Variants in PRKN observed in about 807,000 individuals in gnomAD.
PRKN encodes E3 ubiquitin-protein ligase parkin.
A neutral mutation model predicts 59.5 loss-of-function variants in PRKN; 56 were observed. The ratio of observed to expected loss-of-function variants is 0.94; its 90% CI spans 0.76 to 1.18. PRKN has a LOEUF of 1.18. PRKN is among the 50% of genes most tolerant of loss of function. The pLI is 0.00. For synonymous variants in PRKN, 250 were observed against 222.1 expected (o/e 1.13, Z -1.12); for missense variants, 657 against 596.4 (o/e 1.10, Z -1.06).
At chr6:162,622,374 G>C (rs149098047) in intron 1 of PRKN, among the ~76,000 whole-genome samples, 1 of 151,660 alleles carries the variant, frequency 6.6e-6, no homozygotes, top group Admixed American at 6.6e-5. Flanking sequence ...AGTAGAGACG[G>C]GGTTTTGCAA....
intron 6 of PRKN, among the ~76,000 whole-genome samples, chr6:161,956,443 G>A (rs1277053403): frequency 6.6e-6 from 1 of 152,172 alleles, no homozygotes; most frequent in Non-Finnish European, 1.5e-5. Context: ...GCCAGTCTCA[G>A]TGCAAAATCA....
intron 7 of PRKN, among the ~76,000 whole-genome samples, chr6:161,703,983 G>A (rs747432789): frequency 1.3e-5 from 2 of 149,764 alleles, no homozygotes; most frequent in African/African-American, 2.5e-5. Flanking sequence ...AGCCTCCCAC[G>A]AATCTAGGAT....
intron 1 of PRKN, among the ~76,000 whole-genome samples, chr6:162,508,956 C>T (rs887963350): frequency 6.6e-6 from 1 of 152,134 alleles, no homozygotes; most frequent in Admixed American, 6.6e-5. Flanking sequence ...ATTTGCTATT[C>T]AAGTGAGAAT....
Position 161,391,145 on chromosome 6 carries a change from C to T in PRKN, c.1084-4268G>A, listed in dbSNP as rs902005467. On this transcript the variant is annotated intron_variant, in intron 9 of 11. Transcript: ENST00000366898. The surrounding 1 kb of genome is among the most constrained non-coding windows in gnomAD (Gnocchi z 4.9). ...AGCAGACCTAGCTCCAACATTTTCA[C>T]ATCCATTCTGCTGAGCTGCATGTCT... Among the ~76,000 whole-genome samples, 2 of 152,172 alleles carry T rather than the reference C, an allele frequency of 1.3e-5. No individual in the cohort carries two copies. The highest frequency in any genetic ancestry group is 2.9e-5 in the Non-Finnish European group (2 of 68,040).
intron 2 of PRKN, among the ~76,000 whole-genome samples, chr6:162,285,199 T>G (rs185004794): frequency 5.3e-5 from 8 of 152,106 alleles, no homozygotes; most frequent in African/African-American, 1.7e-4. Flanking sequence ...TATACAACAT[T>G]TTACTGGTCC....
At chr6:162,015,452 C>T (rs1782899597) in intron 5 of PRKN, among the ~76,000 whole-genome samples, 1 of 152,082 alleles carries the variant, frequency 6.6e-6, no homozygotes, top group Non-Finnish European at 1.5e-5. Flanking sequence ...AGCGCAGAAC[C>T]AACTCAATTC....
chr6:161,830,610 T>C (rs376108957), intron 6 of PRKN, among the ~76,000 whole-genome samples: 11 of 152,086 alleles, frequency 7.2e-5, no homozygotes, highest in African/African-American at 2.7e-4. Context: ...GCGCAAGGCA[T>C]TTTTTACATT....
At chr6:161,663,639 T>C (rs1321079853) in intron 7 of PRKN, among the ~76,000 whole-genome samples, 1 of 152,204 alleles carries the variant, frequency 6.6e-6, no homozygotes, top group Non-Finnish European at 1.5e-5. Context: ...GAGTCAGAAA[T>C]ATTAGACTTT....
chr6:161,872,684 C>G (rs189641447), intron 6 of PRKN, among the ~76,000 whole-genome samples: 68 of 152,124 alleles, frequency 4.5e-4, no homozygotes, highest in Middle Eastern at 6.8e-3. Context: ...ATAAAGTGTC[C>G]TAGTTTCCCT....
chr6:162,464,669 A>T (rs1244239466), intron 1 of PRKN, among the ~76,000 whole-genome samples: 1 of 150,182 alleles, frequency 6.7e-6, no homozygotes, highest in Non-Finnish European at 1.5e-5. Flanking sequence ...CAAAAAAAAA[A>T]AAAAAAAAAA....
intron 7 of PRKN, among the ~76,000 whole-genome samples, chr6:161,622,788 C>T (rs1343323749): frequency 6.6e-6 from 1 of 152,150 alleles, no homozygotes; most frequent in Non-Finnish European, 1.5e-5. Context: ...TTTCTTGTTC[C>T]TTCTGAAATG....
At chr6:162,558,015 CTT>C (rs1779679787) in intron 1 of PRKN, among the ~76,000 whole-genome samples, 1 of 152,166 alleles carries the variant, frequency 6.6e-6, no homozygotes, top group Non-Finnish European at 1.5e-5. Context: ...AGTTTTGACT[CTT>C]AGGCATAATC....
chr6:161,830,413 A>G (rs1010425284), intron 6 of PRKN, among the ~76,000 whole-genome samples: 144 of 151,890 alleles, frequency 9.5e-4, no homozygotes, highest in African/African-American at 3.3e-3. Flanking sequence ...CACCATGCCG[A>G]GCTAATTTTT....
intron 5 of PRKN, among the ~76,000 whole-genome samples, chr6:161,998,776 G>A (rs1488056237): frequency 2.6e-5 from 4 of 152,130 alleles, no homozygotes; most frequent in Non-Finnish European, 4.4e-5. Context: ...TACTTGCAGT[G>A]TAAATTTGTC....
intron 7 of PRKN, among the ~76,000 whole-genome samples, chr6:161,606,611 C>T (rs1209463885): frequency 2.0e-5 from 3 of 152,038 alleles, no homozygotes; most frequent in Non-Finnish European, 2.9e-5. Context: ...TCATAGAACA[C>T]AGATGGAATG....
rs955971705 is a variant in PRKN at position 162,236,824 on chromosome 6, CAG to C, written c.412+25699_412+25700del. Among the ~76,000 whole-genome samples, 654 of 131,770 alleles carry C rather than the reference CAG, an allele frequency of 5.0e-3. 8 individuals are homozygous for C. Among genetic ancestry groups the C allele is most frequent in the African/African-American group, 0.018 (624 of 34,970 alleles). 86.4% of individuals were successfully genotyped at this position (131,770 alleles called of 152,430 possible). On this transcript the variant is annotated intron_variant, in intron 3 of 11. Transcript: ENST00000366898. ...AAAGAAAGAAAGAGAGAGAGAGGGACAGAGAGAGAGAGAAAGAAAGGAGAGGA... is the reference window on the plus strand; with the variant it reads ...AAAGAAAGAAAGAGAGAGAGAGGGACAGAGAGAGAGAAAGAAAGGAGAGGA...
chr6:162,381,188 T>C (rs1262107545), intron 2 of PRKN, among the ~76,000 whole-genome samples: 1 of 152,134 alleles, frequency 6.6e-6, no homozygotes, highest in African/African-American at 2.4e-5. Context: ...ATCGTCTCCA[T>C]TGGAAGACAG....
chr6:162,152,277 T>C (rs993224241), intron 4 of PRKN, among the ~76,000 whole-genome samples: 5 of 152,140 alleles, frequency 3.3e-5, no homozygotes, highest in Non-Finnish European at 5.9e-5. Flanking sequence ...ACAATGTGTG[T>C]CTCCCAAATT....
intron 6 of PRKN, among the ~76,000 whole-genome samples, chr6:161,799,745 A>G (rs1444958566): frequency 6.6e-6 from 1 of 152,258 alleles, no homozygotes; most frequent in Non-Finnish European, 1.5e-5. Context: ...CCATGGGATC[A>G]TGTGATAGTG....
Sources: gnomAD v4.1 joint callset for allele counts (sites outside exome capture counted in the v4.1 genomes callset) on GRCh38, gnomAD v4.1.1 for gene constraint, Gnocchi (gnomAD v3.1) non-coding constraint, MANE v1.5 for transcripts, NCBI Gene and HGNC (gene_info 2026-07-23, HGNC 2026-07-21) for gene names.